Variants in PHLDB2 observed in about 807,000 individuals in gnomAD.
The protein encoded by PHLDB2 is pleckstrin homology-like domain family B member 2.
PHLDB2 carries 71 observed loss-of-function variants against 123.6 expected under a neutral mutation model. The ratio of observed to expected loss-of-function variants is 0.57; its 90% CI spans 0.47 to 0.70. The LOEUF is 0.70. Ranked by LOEUF, PHLDB2 falls within the 30% of genes least tolerant of loss-of-function variation. The pLI is 0.00. For missense variants in PHLDB2, 1,446 were observed against 1,519.5 expected (o/e 0.95, Z 0.80); for synonymous variants, 547 against 541.6 (o/e 1.01, Z -0.14).
At chr3:111,881,242 G>A (rs1313877427) in intron 1 of PHLDB2, among the ~76,000 whole-genome samples, 2 of 152,140 alleles carry the variant, frequency 1.3e-5, no homozygotes, top group African/African-American at 4.8e-5. Context: ...TGTAGCTGCA[G>A]GCCTCAATCT....
rs947777556 is a variant in PHLDB2 at position 111,922,826 on chromosome 3, C to A, written c.2001+2407C>A. On this transcript the variant is annotated intron_variant, in intron 5 of 17. Transcript: ENST00000431670. The stretch of plus-strand genomic sequence containing the variant: ...TCCCTCTGGCTCAGAGATCATCTTA[C>A]CATAGAGAAATTAGAAGCATCCCAT... Among the ~76,000 whole-genome samples the A allele has an allele frequency of 2.0e-5, 3 of 152,248 alleles. No individual in the cohort carries two copies. In the East Asian group the frequency reaches 5.8e-4, roughly 29 times the overall value.
intron 5 of PHLDB2, among the ~76,000 whole-genome samples, chr3:111,931,750 C>T (rs951906920): frequency 7.2e-5 from 11 of 152,146 alleles, no homozygotes; most frequent in African/African-American, 1.4e-4. Flanking sequence ...TTTCAGATGA[C>T]GGGGATGTCA....
upstream of PHLDB2, among the ~76,000 whole-genome samples, chr3:111,854,475 A>G (rs1425234543): frequency 1.3e-5 from 2 of 152,198 alleles, no homozygotes; most frequent in Admixed American, 1.3e-4. Context: ...AGCACAAACA[A>G]TTGTTCCATG....
rs908701510 is a variant in PHLDB2, at chr3:111,859,435, G to A, written c.-156G>A. 6.1e-6 allele frequency: 6 copies of A among 985,444 alleles called. No homozygotes were observed. Among genetic ancestry groups the A allele is most frequent in the African/African-American group, 1.7e-5 (1 of 57,252 alleles). 61.0% of individuals were successfully genotyped at this position (985,444 alleles called of 1,614,324 possible). Reference sequence around the variant, plus strand: ...GTGCCCGCCGCGGTGGTTACAAAGGGGGTCAAGAGTGCCGGACCCAGCCGC... The same window carrying A: ...GTGCCCGCCGCGGTGGTTACAAAGGAGGTCAAGAGTGCCGGACCCAGCCGC... On this transcript the variant is annotated 5_prime_UTR_variant, in exon 1 of 18. Transcript: ENST00000431670.
chr3:111,831,564 G>T (rs2063040053), intron 1 of PHLDB2, among the ~76,000 whole-genome samples: 1 of 151,940 alleles, frequency 6.6e-6, no homozygotes, highest in Non-Finnish European at 1.5e-5. Flanking sequence ...ACCCCATGTG[G>T]GATCCATTTT....
chr3:111,871,956 G>T (rs2065360515), intron 1 of PHLDB2, among the ~76,000 whole-genome samples: 2 of 152,296 alleles, frequency 1.3e-5, no homozygotes, highest in South Asian at 4.1e-4. Context: ...ACTTTCTGTG[G>T]ATATCTTCCA....
intron 1 of PHLDB2, among the ~76,000 whole-genome samples, chr3:111,809,895 C>T (rs931548043): frequency 6.6e-6 from 1 of 152,118 alleles, no homozygotes; most frequent in East Asian, 1.9e-4. Flanking sequence ...AAGATGAAGA[C>T]GTTCTAGAGT....
intron 13 of PHLDB2, among the ~76,000 whole-genome samples, chr3:111,964,933 A>G (rs759418521): frequency 1.3e-5 from 2 of 152,178 alleles, no homozygotes; most frequent in Non-Finnish European, 2.9e-5. Flanking sequence ...TTTCAAATTA[A>G]TGAGAGATAT....
At chr3:111,920,465 T>C (rs1021606961) in intron 5 of PHLDB2, 46 bp downstream of exon 5, 1 of 1,586,242 alleles carries the variant, frequency 6.3e-7, no homozygotes, top group Non-Finnish European at 8.6e-7. Flanking sequence ...GGCAAAGTGG[T>C]GGTCCCAGTT....
rs1006964236 is a variant in PHLDB2 at position 111,962,335 on chromosome 3, G to C, written c.3077+23G>C. On this transcript the variant is annotated intron_variant, in intron 13 of 17. Coordinates refer to ENST00000431670, the MANE Select transcript of PHLDB2 (RefSeq NM_001134438.2). ...TAGGTAAGATTTATTTATGGGTAAG[G>C]TTTCTGGTTTGGAAAAGAGCCTACT... The C allele has an allele frequency of 3.1e-6, 5 of 1,588,138 alleles. No individual in the cohort carries two copies. The African/African-American group carries it at 5.5e-5, about 17-fold the overall frequency.
At chr3:111,895,427 T>A (rs6438020) in intron 2 of PHLDB2, among the ~76,000 whole-genome samples, 4 of 152,174 alleles carry the variant, frequency 2.6e-5, no homozygotes, top group Admixed American at 1.3e-4. Flanking sequence ...AGTCTCATTC[T>A]TTTTTAAAAT....
intron 1 of PHLDB2, among the ~76,000 whole-genome samples, chr3:111,805,395 C>T (rs1271876298): frequency 6.6e-6 from 1 of 151,734 alleles, no homozygotes; most frequent in Admixed American, 6.6e-5. Flanking sequence ...CCCGTCTTTA[C>T]TAAAAATACA....
At chr3:111,946,309 A>G (rs2070306463) in intron 9 of PHLDB2, among the ~76,000 whole-genome samples, 1 of 152,228 alleles carries the variant, frequency 6.6e-6, no homozygotes, top group African/African-American at 2.4e-5. Context: ...GGCGTGAGCC[A>G]CTGTGCCCAG....
chr3:111,935,500 AAGATAGATAGATAGATAGAT>A (rs67765854), intron 6 of PHLDB2, among the ~76,000 whole-genome samples: 2 of 145,636 alleles, frequency 1.4e-5, no homozygotes, highest in South Asian at 4.6e-4. Context: ...ATGTGTATAT[AAGATAGATAGATAGATAGAT>A]AGATAGATAG....
chr3:111,922,094 TAATTA>T (rs1381020053), intron 5 of PHLDB2, among the ~76,000 whole-genome samples: 7 of 152,238 alleles, frequency 4.6e-5, no homozygotes, highest in Non-Finnish European at 7.3e-5. Context: ...AAGTAAATAT[TAATTA>T]AATTAAGTAA....
intron 15 of PHLDB2, 142 bp downstream of exon 15, chr3:111,967,966 A>T: frequency 3.2e-5 from 4 of 126,182 alleles, no homozygotes; most frequent in Non-Finnish European, 5.8e-5. Flanking sequence ...AAGAGTGTGC[A>T]TTCCTGTGCA....
chr3:111,740,871 T>C (rs1350474670), intron 1 of PHLDB2, among the ~76,000 whole-genome samples: 1 of 142,082 alleles, frequency 7.0e-6, no homozygotes, highest in Non-Finnish European at 1.5e-5. Context: ...AATACAGACC[T>C]CAATGCCTCA....
Position 111,800,740 on chromosome 3 carries a change from T to C in PHLDB2, c.-48-45081T>C, listed in dbSNP as rs374187966. On this transcript the variant is annotated intron_variant, in intron 1 of 17. Transcript: ENST00000393923. The stretch of plus-strand genomic sequence containing the variant: ...TGCAGTACCTGATTTAAAGGGGACA[T>C]ACAATGCAATGAGAGAGACAGAAAC... 2.4e-4 allele frequency among the ~76,000 whole-genome samples: 36 copies of C among 152,312 alleles called. No homozygotes were observed. The East Asian group carries it at 6.0e-3, about 25-fold the overall frequency.
chr3:111,894,852 A>G (rs1358342782), intron 2 of PHLDB2, among the ~76,000 whole-genome samples: 3 of 152,214 alleles, frequency 2.0e-5, no homozygotes, highest in African/African-American at 7.2e-5. Context: ...AATATAAAGA[A>G]AAATGTTATC....
Sources: allele counts gnomAD v4.1 joint callset (sites outside exome capture counted in the v4.1 genomes callset), GRCh38; gene constraint gnomAD v4.1.1; transcripts MANE v1.5; gene names NCBI Gene and HGNC (gene_info 2026-07-23, HGNC 2026-07-21).